Variants in GATA4 observed in about 807,000 individuals in gnomAD.
The protein encoded by GATA4 is transcription factor GATA-4.
In GATA4, 7 loss-of-function variants were observed where a neutral mutation model predicts 37.9. That is an observed-to-expected ratio of 0.18 (90% confidence interval 0.11 to 0.35). GATA4 has a LOEUF of 0.35. GATA4 is among the 10% of genes least tolerant of loss of function. GATA4 has a pLI of 1.00. For missense variants in GATA4, 647 were observed against 653.0 expected, an observed-to-expected ratio of 0.99 and a Z score of 0.10; for synonymous variants, 372 against 292.6, an observed-to-expected ratio of 1.27 and a Z score of -2.77.
intron 2 of GATA4, among the ~76,000 whole-genome samples, chr8:11,746,752 G>A (rs567505109): frequency 3.3e-4 from 50 of 152,340 alleles, no homozygotes; most frequent in Middle Eastern, 3.4e-3. Flanking sequence ...GGGAGTGGCC[G>A]CATCTCATGG....
At chr8:11,717,719 G>C (rs1800498079) in intron 2 of GATA4, among the ~76,000 whole-genome samples, 1 of 152,194 alleles carries the variant, frequency 6.6e-6, no homozygotes, top group Non-Finnish European at 1.5e-5. Context: ...GTAGCTTCTT[G>C]TCTGAGTTTC....
In GATA4 at chr8:11,709,576, G is replaced by GGGGGGGGC. The variant is rs1554488894; in HGVS notation, c.616+655_616+656insCGGGGGGG. Among the ~76,000 whole-genome samples, 1 of 41,708 alleles carries GGGGGGGGC rather than the reference G, an allele frequency of 2.4e-5. No homozygotes were observed. The highest frequency in any genetic ancestry group is 1.1e-3 in the East Asian group (1 of 874). The allele number at this position is 41,708 out of a possible 152,430, so 27.4% of individuals were successfully genotyped here. A position where few individuals can be genotyped will look rare whatever the true frequency, so the allele number is the denominator to read the frequency against. The stretch of plus-strand genomic sequence containing the variant: ...CGCGTGGGCGCATCATGCGGGCAGC[G>GGGGGGGGC]GGGGGGGGGGCGCACACGCCCGGTC... On this transcript the variant is annotated intron_variant, in intron 2 of 6. Transcript: ENST00000532059. The surrounding 1 kb of genome is among the most constrained non-coding windows in gnomAD (Gnocchi z 4.3).
intron 2 of GATA4, among the ~76,000 whole-genome samples, chr8:11,721,570 A>G (rs562596132): frequency 6.6e-6 from 1 of 152,084 alleles, no homozygotes; most frequent in South Asian, 2.1e-4. Flanking sequence ...GCCGCACGCT[A>G]CAGGCCAGTT....
chr8:11,742,095 C>T (rs996857603), intron 2 of GATA4, among the ~76,000 whole-genome samples: 2 of 152,170 alleles, frequency 1.3e-5, no homozygotes, highest in Non-Finnish European at 2.9e-5. Context: ...CTCCCACGCT[C>T]ACCCTACTAT....
upstream of GATA4, among the ~76,000 whole-genome samples, chr8:11,691,801 C>G (rs961695230): frequency 2.6e-5 from 4 of 152,150 alleles, no homozygotes; most frequent in East Asian, 7.7e-4. Context: ...CCTCCCTCCT[C>G]TTTCTATGGC....
intron 2 of GATA4, among the ~76,000 whole-genome samples, chr8:11,727,916 A>G (rs1801013577): frequency 6.6e-6 from 1 of 152,194 alleles, no homozygotes; most frequent in Non-Finnish European, 1.5e-5. Flanking sequence ...ACTACTCCAT[A>G]GAGGCTAAGA....
intron 6 of GATA4, among the ~76,000 whole-genome samples, chr8:11,758,020 T>C (rs1802691386): frequency 1.3e-5 from 2 of 152,144 alleles, no homozygotes; most frequent in South Asian, 4.1e-4. Flanking sequence ...CCTGTAACCA[T>C]CAGAGCCTTC....
At chr8:11,684,544 A>G (rs1480099910) in intron 1 of GATA4, among the ~76,000 whole-genome samples, 1 of 152,232 alleles carries the variant, frequency 6.6e-6, no homozygotes. Context: ...TCCCTAGGTC[A>G]GTGTAAGAGT....
chr8:11,724,655 C>T (rs1563210378), intron 2 of GATA4, among the ~76,000 whole-genome samples: 4 of 152,218 alleles, frequency 2.6e-5, no homozygotes, highest in Admixed American at 1.3e-4. Context: ...TCATCACCTT[C>T]GTGAGCTGGT....
At chr8:11,741,090 A>G (rs1464007855) in intron 2 of GATA4, among the ~76,000 whole-genome samples, 1 of 152,098 alleles carries the variant, frequency 6.6e-6, no homozygotes, top group East Asian at 1.9e-4. Flanking sequence ...GGAAGGGGCC[A>G]TGGTGACCAT....
Position 11,708,986 on chromosome 8 carries a change from C to A in GATA4, c.616+58C>A, listed in dbSNP as rs1283486837. The A allele has an allele frequency of 2.7e-6, 4 of 1,481,868 alleles. No homozygotes were observed. Among genetic ancestry groups the A allele is most frequent in the African/African-American group, 2.9e-5 (2 of 69,774 alleles). The allele number at this position is 1,481,868 out of a possible 1,614,324, so 91.8% of individuals were successfully genotyped here. On this transcript the variant is annotated intron_variant, in intron 2 of 6. Transcript: ENST00000532059. This position sits in a 1 kb window ranked among gnomAD's most constrained non-coding sequence, Gnocchi z 6.7. ...GGGCCGGGGCAGGGGCCGTCTTGAGCCCTGTCGAGGGCCTCTTGTTTTTCC... is the reference window on the plus strand; with the variant it reads ...GGGCCGGGGCAGGGGCCGTCTTGAGACCTGTCGAGGGCCTCTTGTTTTTCC...
intron 2 of GATA4, among the ~76,000 whole-genome samples, chr8:11,717,566 C>T (rs1019266353): frequency 3.3e-5 from 5 of 152,152 alleles, no homozygotes; most frequent in African/African-American, 1.2e-4. Flanking sequence ...GTACTTTCCC[C>T]CTTTCCCCAC....
chr8:11,750,301 GTCT>G (rs1585688258), intron 4 of GATA4, 65 bp downstream of exon 4: 1 of 1,599,654 alleles, frequency 6.3e-7, no homozygotes, highest in East Asian at 2.2e-5. Context: ...GTCCTCCCTT[GTCT>G]TCTTCCTTTG....
At chr8:11,750,365 G>A (rs2130314415) in intron 4 of GATA4, 129 bp downstream of exon 4, 4 of 1,308,840 alleles carry the variant, frequency 3.1e-6, no homozygotes, top group Non-Finnish European at 4.3e-6. Flanking sequence ...TTTGGAAGGG[G>A]CTTTCAACTA....
chr8:11,678,251 G>C (rs1798845546), intron 1 of GATA4, among the ~76,000 whole-genome samples: 1 of 152,058 alleles, frequency 6.6e-6, no homozygotes, highest in Non-Finnish European at 1.5e-5. Flanking sequence ...TTCTGGAATT[G>C]GGTAGGATTG....
chr8:11,708,580 A>G lies in GATA4; in HGVS notation c.268A>G (p.Ser90Gly). 7.3e-7 allele frequency: 1 copy of G among 1,361,262 alleles called. No individual in the cohort carries two copies. Among genetic ancestry groups the G allele is most frequent in the South Asian group, 1.8e-5 (1 of 54,550 alleles). The allele number at this position is 1,361,262 out of a possible 1,614,324, so 84.3% of individuals were successfully genotyped here. Reference sequence around the variant, plus strand: ...GACCCAGCAGGGCAGCCCGGGATGGAGCCAGGCGGGAGCCGACGGAGCCGC... The same window carrying G: ...GACCCAGCAGGGCAGCCCGGGATGGGGCCAGGCGGGAGCCGACGGAGCCGC... ...PGTQQGSPGW[S>G]QAGADGAAYT... The change falls in exon 2 of 7, where the codon AGC becomes GGC. Residue 90 changes from serine (S) to glycine (G), a missense_variant. This residue lies in a region of GATA4 where 379 missense variants were observed against 334.5 expected (regional missense o/e 1.13). Coordinates refer to ENST00000532059, the MANE Select transcript of GATA4 (RefSeq NM_001308093.3). The surrounding 1 kb of genome is among the most constrained non-coding windows in gnomAD (Gnocchi z 6.7).
chr8:11,758,864 C>G lies in GATA4; in HGVS notation c.*389C>G, dbSNP rs988379865. The G allele has an allele frequency of 6.0e-6, 2 of 330,848 alleles. No homozygotes were observed. The highest frequency in any genetic ancestry group is 4.3e-5 in the African/African-American group (2 of 46,744). 20.5% of individuals were successfully genotyped at this position (330,848 alleles called of 1,614,324 possible). On this transcript the variant is annotated 3_prime_UTR_variant, in exon 7 of 7. Coordinates refer to ENST00000532059, the MANE Select transcript of GATA4 (RefSeq NM_001308093.3). Reference sequence around the variant, plus strand: ...CCGGGCCCTGGGACCCCTGCTCCAGCCCGAATGACGGCATCTGTTTGCCAT... The same window carrying G: ...CCGGGCCCTGGGACCCCTGCTCCAGGCCGAATGACGGCATCTGTTTGCCAT...
chr8:11,755,174 G>A (rs200637180), intron 5 of GATA4, 41 bp downstream of exon 5: 1 of 1,520,152 alleles, frequency 6.6e-7, no homozygotes, highest in African/African-American at 1.4e-5. Flanking sequence ...AGTACATCAG[G>A]AGCCCTCAGA....
chr8:11,708,840 C>T lies in GATA4; in HGVS notation c.528C>T (p.Ala176=), dbSNP rs555591757. Residue 176 remains alanine, a synonymous_variant, in exon 2 of 7, where the codon GCC becomes GCT. Transcript: ENST00000532059. The surrounding 1 kb of genome is among the most constrained non-coding windows in gnomAD (Gnocchi z 6.7). The stretch of plus-strand genomic sequence containing the variant: ...ACGTGGGCGCGTCCTGGGCCGCAGC[C>T]GCCGCCGCCTCCGCCGGCCCCTTCG... The part of the protein sequence containing the change: ...MADVGASWAA[A]AAASAGPFDS... 9.4e-6 allele frequency: 14 copies of T among 1,490,926 alleles called. No individual in the cohort carries two copies. The South Asian group carries it at 1.3e-4, about 13-fold the overall frequency. The allele number at this position is 1,490,926 out of a possible 1,614,324, so 92.4% of individuals were successfully genotyped here. A position where few individuals can be genotyped will look rare whatever the true frequency, so the allele number is the denominator to read the frequency against.
Sources: gnomAD v4.1 joint callset for allele counts (sites outside exome capture counted in the v4.1 genomes callset) on GRCh38, gnomAD v4.1.1 for gene constraint, gnomAD v4.1.1 regional missense constraint, Gnocchi (gnomAD v3.1) non-coding constraint, MANE v1.5 for transcripts, NCBI Gene and HGNC (gene_info 2026-07-23, HGNC 2026-07-21) for gene names.